Variants in LSAMP observed in about 807,000 individuals in gnomAD.
LSAMP encodes the protein limbic system associated membrane protein, also known as limbic system-associated membrane protein.
A neutral mutation model predicts 38.6 loss-of-function variants in LSAMP; 7 were observed. That is an observed-to-expected ratio of 0.18 (90% CI 0.10 to 0.34). The LOEUF (loss-of-function observed/expected upper bound fraction) is 0.34, where lower values mean the gene tolerates loss of function less well. Ranked by LOEUF, LSAMP falls within the 10% of genes least tolerant of loss-of-function variation. LSAMP has a pLI of 1.00. For synonymous variants in LSAMP, 154 were observed against 166.8 expected, an observed-to-expected ratio of 0.92 and a Z score of 0.59; for missense variants, 313 against 420.0, an observed-to-expected ratio of 0.75 and a Z score of 2.23.
chr3:115,937,795 ATGG>A (rs1559888322), intron 3 of LSAMP, among the ~76,000 whole-genome samples: 9 of 2,032 alleles, frequency 4.4e-3, no homozygotes, highest in Non-Finnish European at 0.018. Context: ...CTAATCCTGT[ATGG>A]CCAGCTAAAT....
At chr3:116,133,936 G>T (rs1179034065) in intron 1 of LSAMP, among the ~76,000 whole-genome samples, 2 of 152,042 alleles carry the variant, frequency 1.3e-5, no homozygotes, top group Non-Finnish European at 2.9e-5. Context: ...CTACAAGGTG[G>T]CATGACCCAC....
chr3:115,963,181 T>C (rs1938686157), intron 3 of LSAMP, among the ~76,000 whole-genome samples: 1 of 152,188 alleles, frequency 6.6e-6, no homozygotes, highest in Non-Finnish European at 1.5e-5. Flanking sequence ...AGAAATCATA[T>C]ATAAGTACAA....
At chr3:116,170,373 CTG>C (rs1334812733) in intron 1 of LSAMP, among the ~76,000 whole-genome samples, 2 of 152,090 alleles carry the variant, frequency 1.3e-5, no homozygotes, top group African/African-American at 4.8e-5. Context: ...TGTGGCTACT[CTG>C]TGAAAATTTA....
chr3:115,850,820 G>T (rs139950185), intron 4 of LSAMP, among the ~76,000 whole-genome samples: 2 of 152,286 alleles, frequency 1.3e-5, no homozygotes, highest in African/African-American at 2.4e-5. Flanking sequence ...CACAGGTAAT[G>T]GTGCATCCCA....
At chr3:116,181,403 A>G (rs1328028196) in intron 1 of LSAMP, among the ~76,000 whole-genome samples, 1 of 152,020 alleles carries the variant, frequency 6.6e-6, no homozygotes, top group Admixed American at 6.6e-5. Flanking sequence ...CTCAGTTGTC[A>G]GCCCCAAGTA....
chr3:116,202,517 T>C (rs990791708), intron 1 of LSAMP, among the ~76,000 whole-genome samples: 7 of 151,958 alleles, frequency 4.6e-5, no homozygotes, highest in African/African-American at 1.7e-4. Flanking sequence ...CGATCATAGC[T>C]CACTGCAGCC....
chr3:116,418,261 T>C (rs756896885), intron 1 of LSAMP, among the ~76,000 whole-genome samples: 13 of 152,194 alleles, frequency 8.5e-5, no homozygotes, highest in Non-Finnish European at 1.9e-4. Flanking sequence ...GAAACTTACT[T>C]ATCTCAGTTG....
chr3:116,160,455 GAGAGAAAAGA>G (rs1709860949), intron 1 of LSAMP, among the ~76,000 whole-genome samples: 4 of 150,380 alleles, frequency 2.7e-5, no homozygotes, highest in Admixed American at 2.0e-4. Context: ...AGGAAGGAGA[GAGAGAAAAGA>G]AGAGAAAAGA....
chr3:115,888,709 G>A (rs1185920666), intron 3 of LSAMP, among the ~76,000 whole-genome samples: 2 of 151,994 alleles, frequency 1.3e-5, no homozygotes, highest in Admixed American at 1.3e-4. Flanking sequence ...AATTCTCCCA[G>A]GGAGTGCCTA....
At chr3:115,973,746 T>A (rs563045046) in intron 3 of LSAMP, among the ~76,000 whole-genome samples, 1 of 151,908 alleles carries the variant, frequency 6.6e-6, no homozygotes, top group African/African-American at 2.4e-5. Flanking sequence ...AAAAAAAAAA[T>A]TAATTTATGT....
intron 1 of LSAMP, among the ~76,000 whole-genome samples, chr3:116,235,778 T>C (rs2046459934): frequency 6.6e-6 from 1 of 152,182 alleles, no homozygotes; most frequent in Admixed American, 6.5e-5. Flanking sequence ...GTTCTACAAT[T>C]CCTGTAACTT....
intron 1 of LSAMP, among the ~76,000 whole-genome samples, chr3:116,425,622 G>A (rs2049184624): frequency 6.6e-6 from 1 of 152,114 alleles, no homozygotes; most frequent in Non-Finnish European, 1.5e-5. Flanking sequence ...AGTTACTCCT[G>A]TAATCTCTAA....
intron 3 of LSAMP, among the ~76,000 whole-genome samples, chr3:115,994,727 GA>G (rs1939768048): frequency 6.6e-6 from 1 of 152,054 alleles, no homozygotes; most frequent in Non-Finnish European, 1.5e-5. Flanking sequence ...ATACTAGAAT[GA>G]AAAATGAAAT....
chr3:116,281,380 T>G (rs2047124173), intron 1 of LSAMP, among the ~76,000 whole-genome samples: 1 of 152,202 alleles, frequency 6.6e-6, no homozygotes, highest in Admixed American at 6.5e-5. Context: ...TAGTATACCT[T>G]CCTTTGCATT....
At chr3:116,306,059 A>G (rs1477582247) in intron 1 of LSAMP, among the ~76,000 whole-genome samples, 1 of 151,482 alleles carries the variant, frequency 6.6e-6, no homozygotes, top group African/African-American at 2.4e-5. Flanking sequence ...GTTAATGTTT[A>G]TTCAACAAAT....
intron 1 of LSAMP, among the ~76,000 whole-genome samples, chr3:116,310,251 A>C (rs181783587): frequency 2.7e-4 from 41 of 152,294 alleles, no homozygotes; most frequent in East Asian, 1.4e-3. Flanking sequence ...TTTTCAAGGC[A>C]GTTTTTGCTC....
At chr3:116,036,049 A>G (rs1481176948) in intron 2 of LSAMP, among the ~76,000 whole-genome samples, 1 of 152,230 alleles carries the variant, frequency 6.6e-6, no homozygotes, top group Non-Finnish European at 1.5e-5. Flanking sequence ...AGAGGCATGC[A>G]TAAACTGAAC....
intron 1 of LSAMP, among the ~76,000 whole-genome samples, chr3:116,396,787 T>C (rs544511172): frequency 6.6e-6 from 1 of 152,304 alleles, no homozygotes; most frequent in East Asian, 1.9e-4. Flanking sequence ...CTCAACCTTT[T>C]CCTCTCAAAA....
chr3:115,935,273 T>G (rs1436815604), intron 3 of LSAMP, among the ~76,000 whole-genome samples: 1 of 152,158 alleles, frequency 6.6e-6, no homozygotes, highest in Non-Finnish European at 1.5e-5. Flanking sequence ...AAGGAAGACT[T>G]GATCCTGAGG....
Sources: allele counts gnomAD v4.1 joint callset (sites outside exome capture counted in the v4.1 genomes callset), GRCh38; gene constraint gnomAD v4.1.1; transcripts MANE v1.5; gene names NCBI Gene and HGNC (gene_info 2026-07-23, HGNC 2026-07-21).